LINGO2: variants seen among roughly 807,000 people sequenced by gnomAD.
The protein encoded by LINGO2 is leucine rich repeat and Ig domain containing 2, also known as leucine-rich repeat and immunoglobulin-like domain-containing nogo receptor-interacting protein 2.
A neutral mutation model predicts 30.6 loss-of-function variants in LINGO2; 14 were observed. The observed-to-expected ratio is 0.46, with a 90% CI of 0.30 to 0.72. The LOEUF (loss-of-function observed/expected upper bound fraction) is 0.72. Among genes scored for constraint, LINGO2 ranks in the 30% least tolerant of loss-of-function variants. The probability of loss-of-function intolerance (pLI) is 0.07; values close to 1 mark genes in which losing one functional copy is unlikely to be tolerated. For missense variants in LINGO2, 729 were observed against 751.7 expected, an observed-to-expected ratio of 0.97 and a Z score of 0.35; for synonymous variants, 317 against 288.5, an observed-to-expected ratio of 1.10 and a Z score of -1.00.
chr9:29,056,641 T>G, the LINGO2 span, among the ~76,000 whole-genome samples: 1 of 152,286 alleles, frequency 6.6e-6, no homozygotes, highest in South Asian at 2.1e-4. Flanking sequence ...GCTTTTGGGT[T>G]CTTGGTCATG....
chr9:28,251,250 C>A (rs1344710049), intron 4 of LINGO2, among the ~76,000 whole-genome samples: 1 of 151,938 alleles, frequency 6.6e-6, no homozygotes. Flanking sequence ...TTCCCAAGAA[C>A]CCAGAAGCTA....
At chr9:28,522,105 A>C (rs907765499) in intron 1 of LINGO2, among the ~76,000 whole-genome samples, 1 of 152,218 alleles carries the variant, frequency 6.6e-6, no homozygotes, top group South Asian at 2.1e-4. Context: ...GAAACTAATG[A>C]AGCAATTAAG....
chr9:28,340,431 G>A (rs554939838), intron 3 of LINGO2, among the ~76,000 whole-genome samples: 53 of 152,186 alleles, frequency 3.5e-4, no homozygotes, highest in Admixed American at 7.2e-4. Flanking sequence ...TCTGGATGGG[G>A]TATAAAATGT....
intron 4 of LINGO2, among the ~76,000 whole-genome samples, chr9:28,082,176 C>A (rs776926321): frequency 1.3e-5 from 2 of 149,730 alleles, no homozygotes; most frequent in Non-Finnish European, 3.0e-5. Flanking sequence ...CCATCAAAGG[C>A]AAAACAAAAC....
At chr9:28,563,702 A>G (rs892689256) in intron 1 of LINGO2, among the ~76,000 whole-genome samples, 1 of 152,158 alleles carries the variant, frequency 6.6e-6, no homozygotes, top group Admixed American at 6.5e-5. Flanking sequence ...ATTCCCTGGC[A>G]TAAGTCCTCA....
At chr9:28,308,940 T>G (rs916287990) in intron 3 of LINGO2, among the ~76,000 whole-genome samples, 19 of 152,190 alleles carry the variant, frequency 1.2e-4, no homozygotes, top group African/African-American at 4.6e-4. Context: ...CAGCAGGTGC[T>G]GGAAAGGATG....
the LINGO2 span, among the ~76,000 whole-genome samples, chr9:28,736,363 G>C: frequency 1.3e-5 from 2 of 152,260 alleles, no homozygotes; most frequent in South Asian, 2.1e-4. Context: ...TATGTGCTTA[G>C]GAGTCAGAAC....
At chr9:28,437,163 G>C (rs1823980888) in intron 2 of LINGO2, among the ~76,000 whole-genome samples, 1 of 152,218 alleles carries the variant, frequency 6.6e-6, no homozygotes, top group South Asian at 2.1e-4. Flanking sequence ...TCTCAATGTA[G>C]TGGTCACGAT....
intron 1 of LINGO2, among the ~76,000 whole-genome samples, chr9:28,584,010 G>A (rs540343090): frequency 1.3e-5 from 2 of 152,084 alleles, no homozygotes; most frequent in South Asian, 4.2e-4. Flanking sequence ...ACACCCATGT[G>A]CCTTCCACCA....
chr9:28,860,222 G>A, the LINGO2 span, among the ~76,000 whole-genome samples: 37 of 152,142 alleles, frequency 2.4e-4, no homozygotes, highest in Admixed American at 2.2e-3. Context: ...ATTTGTCAAC[G>A]TGACTGCACC....
intron 4 of LINGO2, among the ~76,000 whole-genome samples, chr9:28,055,822 A>C (rs1385604588): frequency 6.6e-6 from 1 of 152,192 alleles, no homozygotes; most frequent in Non-Finnish European, 1.5e-5. Flanking sequence ...TTATCTAAAA[A>C]AGTCTTCTTG....
At chr9:28,253,976 C>T (rs951158985) in intron 4 of LINGO2, among the ~76,000 whole-genome samples, 1 of 152,054 alleles carries the variant, frequency 6.6e-6, no homozygotes, top group Non-Finnish European at 1.5e-5. Flanking sequence ...GCGTACTAGT[C>T]GGACTCTTGT....
At chr9:28,588,090 A>G (rs998185197) in intron 1 of LINGO2, among the ~76,000 whole-genome samples, 4 of 152,022 alleles carry the variant, frequency 2.6e-5, no homozygotes, top group African/African-American at 7.2e-5. Context: ...TCCGGAGGAA[A>G]GAATCATATA....
the LINGO2 span, among the ~76,000 whole-genome samples, chr9:28,713,845 C>T: frequency 6.6e-6 from 1 of 151,910 alleles, no homozygotes; most frequent in Non-Finnish European, 1.5e-5. Flanking sequence ...GCTGTGACAA[C>T]TAAAATACAA....
Position 27,981,578 on chromosome 9 carries a change from A to C in LINGO2, c.-36+30777T>G, listed in dbSNP as rs1345355385. ...AAAAAAAGAAAAAAAAAGAAAAAAA[A>C]AAGAAAAAAAATTTCCTATACCAGC... On this transcript the variant is annotated intron_variant, in intron 5 of 5. Coordinates refer to ENST00000379992, the Ensembl canonical transcript of LINGO2. Among the ~76,000 whole-genome samples the C allele has an allele frequency of 2.0e-5, 3 of 148,866 alleles. 1 individual carries two copies. The highest frequency in any genetic ancestry group is 4.5e-5 in the Non-Finnish European group (3 of 66,994).
chr9:29,122,391 G>T, the LINGO2 span, among the ~76,000 whole-genome samples: 1 of 151,860 alleles, frequency 6.6e-6, no homozygotes, highest in East Asian at 1.9e-4. Flanking sequence ...AAAAAAACAT[G>T]CACTGACTTC....
chr9:28,342,006 T>C (rs1056790432), intron 3 of LINGO2, among the ~76,000 whole-genome samples: 3 of 152,124 alleles, frequency 2.0e-5, no homozygotes, highest in Admixed American at 2.0e-4. Context: ...CTTTACAATG[T>C]AATTCCAAAT....
chr9:29,193,377 T>C, the LINGO2 span, among the ~76,000 whole-genome samples: 1 of 152,094 alleles, frequency 6.6e-6, no homozygotes, highest in Non-Finnish European at 1.5e-5. Context: ...CTCAGTCCCA[T>C]CATAGGCATT....
chr9:28,588,216 C>T (rs919529511), intron 1 of LINGO2, among the ~76,000 whole-genome samples: 1 of 151,698 alleles, frequency 6.6e-6, no homozygotes, highest in Admixed American at 6.6e-5. Flanking sequence ...TCCTACACAA[C>T]CTCCCACCTA....
Sources: gnomAD v4.1 joint callset for allele counts (sites outside exome capture counted in the v4.1 genomes callset) on GRCh38, gnomAD v4.1.1 for gene constraint, MANE v1.5 for transcripts, NCBI Gene and HGNC (gene_info 2026-07-23, HGNC 2026-07-21) for gene names.